The following COL6A6 variants were observed in gnomAD, a reference collection of about 807,000 sequenced individuals.
The protein encoded by COL6A6 is collagen alpha-6(VI) chain.
In COL6A6, 183 loss-of-function variants were observed where a neutral mutation model predicts 208.6. That is an observed-to-expected ratio of 0.88 (90% CI 0.78 to 0.99). COL6A6 has a LOEUF of 0.99. Ranked by LOEUF, COL6A6 falls within the 50% of genes least tolerant of loss-of-function variation. COL6A6 has a pLI of 0.00. For synonymous variants in COL6A6, 973 were observed against 1,011.8 expected (o/e 0.96, Z 0.73); for missense variants, 2,816 against 2,815.2 (o/e 1.00, Z -0.01).
At chr3:130,539,401 C>T (rs934798406) in intron 1 of COL6A6, among the ~76,000 whole-genome samples, 4 of 152,120 alleles carry the variant, frequency 2.6e-5, no homozygotes, top group Non-Finnish European at 5.9e-5. Context: ...TTCGGGAGGC[C>T]GAGGCCGGTG....
chr3:130,602,819 T>C (rs535851231), intron 20 of COL6A6, among the ~76,000 whole-genome samples: 1 of 152,360 alleles, frequency 6.6e-6, no homozygotes, highest in African/African-American at 2.4e-5. Flanking sequence ...ATAATATTTC[T>C]AGATGGAGGA....
chr3:130,674,880 T>C (rs545727416), intron 36 of COL6A6, among the ~76,000 whole-genome samples: 26 of 152,240 alleles, frequency 1.7e-4, no homozygotes, highest in Admixed American at 1.4e-3. Context: ...ACTATAGATA[T>C]GGTGGTCTGT....
At chr3:130,641,046 A>C (rs1164295226) in intron 28 of COL6A6, among the ~76,000 whole-genome samples, 1 of 152,226 alleles carries the variant, frequency 6.6e-6, no homozygotes, top group African/African-American at 2.4e-5. Flanking sequence ...CTTGAGAGTC[A>C]CACGGAACTT....
At chr3:130,584,363 G>A (rs2108019211) in intron 10 of COL6A6, among the ~76,000 whole-genome samples, 1 of 152,076 alleles carries the variant, frequency 6.6e-6, no homozygotes, top group South Asian at 2.1e-4. Context: ...AGATCCATTA[G>A]CATGCCTTCT....
At chr3:130,572,865 G>A (rs942783451) in intron 7 of COL6A6, among the ~76,000 whole-genome samples, 2 of 152,174 alleles carry the variant, frequency 1.3e-5, no homozygotes, top group South Asian at 2.1e-4. Context: ...AACTAAGTTC[G>A]GAGAGTGGTG....
chr3:130,533,799 G>C (rs1393030659), intron 1 of COL6A6, among the ~76,000 whole-genome samples: 1 of 152,160 alleles, frequency 6.6e-6, no homozygotes, highest in Non-Finnish European at 1.5e-5. Flanking sequence ...CTCATCCAAG[G>C]ATAGGAGCCC....
At chr3:130,665,812 G>A (rs2066060782) in intron 36 of COL6A6, among the ~76,000 whole-genome samples, 1 of 152,174 alleles carries the variant, frequency 6.6e-6, no homozygotes, top group Admixed American at 6.5e-5. Context: ...GATGATTACA[G>A]GGTGCCAAAA....
rs939391759 is a variant in COL6A6, at chr3:130,675,502, G to T, written c.*105G>T. On this transcript the variant is annotated 3_prime_UTR_variant, in exon 37 of 37. Coordinates refer to ENST00000358511, the MANE Select transcript of COL6A6 (RefSeq NM_001102608.3). ...TCAAGCAACAGTTTGTAGGTTATCA[G>T]GTGACTTGACCCCCTGCATTCATTG... The T allele has an allele frequency of 1.4e-5, 11 of 805,368 alleles. No individual in the cohort carries two copies. The East Asian group carries it at 3.0e-4, about 22-fold the overall frequency. 49.9% of individuals were successfully genotyped at this position (805,368 alleles called of 1,614,324 possible). A position where few individuals can be genotyped will look rare whatever the true frequency, so the allele number is the denominator to read the frequency against.
At chr3:130,674,307 A>G (rs1444167722) in intron 36 of COL6A6, among the ~76,000 whole-genome samples, 1 of 152,184 alleles carries the variant, frequency 6.6e-6, no homozygotes, top group Non-Finnish European at 1.5e-5. Context: ...TGGCTGCCAT[A>G]TAGGTAGTAC....
intron 29 of COL6A6, among the ~76,000 whole-genome samples, chr3:130,642,526 G>A (rs1013076615): frequency 6.6e-6 from 1 of 152,168 alleles, no homozygotes; most frequent in South Asian, 2.1e-4. Flanking sequence ...GAGCTCTGCG[G>A]CAAGTGTCAG....
At chr3:130,584,910 G>A (rs911945462) in intron 10 of COL6A6, among the ~76,000 whole-genome samples, 1 of 152,046 alleles carries the variant, frequency 6.6e-6, no homozygotes. Context: ...CACCGCACCC[G>A]GCCTCTTTCT....
rs747094804 is a variant in COL6A6 at position 130,662,124 on chromosome 3, G to C, written c.6318G>C (p.Leu2106Phe). 1 of 1,613,998 alleles carries C rather than the reference G, an allele frequency of 6.2e-7. No individual in the cohort carries two copies. The highest frequency in any genetic ancestry group is 1.1e-5 in the South Asian group (1 of 91,066). Residue 2106 changes from leucine (L) to phenylalanine (F), a missense_variant, in exon 35 of 37, where the codon TTG (leucine) becomes TTC (phenylalanine). Physicochemically the swap from Leu to Phe is conservative, Grantham distance 22 (BLOSUM62 0). Transcript: ENST00000358511. Reference protein sequence around the residue: ...LDGEILKKESLRAKCQGYALF... With the variant: ...LDGEILKKESFRAKCQGYALF... ...GGGAAATCTTAAAGAAGGAATCCTT[G>C]CGAGCCAAATGTCAGGGATATGCCT...
intron 1 of COL6A6, among the ~76,000 whole-genome samples, chr3:130,547,332 T>A (rs2062534809): frequency 6.6e-6 from 1 of 152,240 alleles, no homozygotes; most frequent in African/African-American, 2.4e-5. Context: ...TCAGGGCTGG[T>A]GGCACCTGCC....
chr3:130,547,118 G>A (rs892815849), intron 1 of COL6A6, among the ~76,000 whole-genome samples: 2 of 152,254 alleles, frequency 1.3e-5, no homozygotes, highest in Admixed American at 6.5e-5. Context: ...AGCAGGGGGC[G>A]ACGCCCATCT....
chr3:130,532,335 C>A (rs2062116608), intron 1 of COL6A6, among the ~76,000 whole-genome samples: 1 of 152,124 alleles, frequency 6.6e-6, no homozygotes, highest in African/African-American at 2.4e-5. Flanking sequence ...TTTCTGTACC[C>A]CCCCATCCCA....
Position 130,563,212 on chromosome 3 carries a change from A to G in COL6A6, c.209A>G (p.Gln70Arg), listed in dbSNP as rs527993234. ...EADKYRVALAQYSDKLHSEFH... is the reference protein window; with the variant it reads ...EADKYRVALARYSDKLHSEFH... ...GACAAATACCGTGTGGCCCTGGCCCAGTACAGTGATAAACTTCACAGTGAA... is the reference window on the plus strand; with the variant it reads ...GACAAATACCGTGTGGCCCTGGCCCGGTACAGTGATAAACTTCACAGTGAA... Residue 70 changes from glutamine (Q) to arginine (R), a missense_variant, in exon 3 of 37, where the codon CAG becomes CGG. Transcript: ENST00000358511. The G allele has an allele frequency of 7.4e-6, 12 of 1,614,042 alleles. No individual in the cohort carries two copies. In the East Asian group the frequency reaches 2.5e-4, roughly 33 times the overall value.
Position 130,568,287 on chromosome 3 carries a change from T to C in COL6A6, c.2084T>C (p.Ile695Thr), listed in dbSNP as rs781401613. The C allele has an allele frequency of 6.3e-5, 102 of 1,613,884 alleles. No individual in the cohort carries two copies. Among genetic ancestry groups the C allele is most frequent in the Middle Eastern group, 1.6e-4 (1 of 6,084 alleles). ...ISNAIDQMAH[I>T]GQTTLTGSAL... ...AATGCAATAGACCAAATGGCTCACA[T>C]TGGACAAACCACCCTGACTGGTAGT... Residue 695 changes from isoleucine (I) to threonine (T), a missense_variant, in exon 6 of 37, where the codon ATT becomes ACT. By Grantham distance (89) the Ile-to-Thr change is moderately conservative. Coordinates refer to ENST00000358511, the MANE Select transcript of COL6A6 (RefSeq NM_001102608.3).
intron 1 of COL6A6, among the ~76,000 whole-genome samples, chr3:130,555,174 C>T (rs1230935645): frequency 6.6e-6 from 1 of 152,228 alleles, no homozygotes; most frequent in Admixed American, 6.5e-5. Flanking sequence ...CTGCCCCTAC[C>T]ACCTCTCTAA....
At chr3:130,549,119 A>G (rs1577671772) in intron 1 of COL6A6, among the ~76,000 whole-genome samples, 4 of 152,252 alleles carry the variant, frequency 2.6e-5, no homozygotes, top group Non-Finnish European at 1.5e-5. Context: ...ATTATGCTCT[A>G]TGTAGTTTTC....
Sources: allele counts gnomAD v4.1 joint callset (sites outside exome capture counted in the v4.1 genomes callset), GRCh38; gene constraint gnomAD v4.1.1; transcripts MANE v1.5; gene names NCBI Gene and HGNC (gene_info 2026-07-23, HGNC 2026-07-21).